The following SV2C variants were observed in gnomAD, a reference collection of about 807,000 sequenced individuals.
The protein encoded by SV2C is synaptic vesicle glycoprotein 2C.
Under a neutral mutation model 79.7 loss-of-function variants are expected in SV2C, and 49 were observed. The observed-to-expected ratio is 0.61, with a 90% CI of 0.49 to 0.78. SV2C has a LOEUF of 0.78. SV2C is among the 30% of genes least tolerant of loss of function. The pLI is 0.00. For synonymous variants in SV2C, 334 were observed against 333.2 expected, an observed-to-expected ratio of 1.00 and a Z score of -0.03; for missense variants, 833 against 912.9, an observed-to-expected ratio of 0.91 and a Z score of 1.13.
At chr5:75,971,988 A>G in the SV2C span, among the ~76,000 whole-genome samples, 1 of 152,134 alleles carries the variant, frequency 6.6e-6, no homozygotes, top group Admixed American at 6.5e-5. Context: ...ATACAGACTA[A>G]TGGAACAGAA....
At chr5:76,061,087 C>T in the SV2C span, among the ~76,000 whole-genome samples, 2 of 151,714 alleles carry the variant, frequency 1.3e-5, no homozygotes, top group African/African-American at 4.8e-5. Flanking sequence ...AAAACAATTA[C>T]AATAGTAACA....
At chr5:76,156,912 A>T (rs1033107396) in intron 2 of SV2C, among the ~76,000 whole-genome samples, 1 of 152,102 alleles carries the variant, frequency 6.6e-6, no homozygotes, top group Non-Finnish European at 1.5e-5. Context: ...GAATTACAAG[A>T]CACCATTGAG....
At chr5:76,156,757 T>C (rs1742739714) in intron 2 of SV2C, among the ~76,000 whole-genome samples, 1 of 152,078 alleles carries the variant, frequency 6.6e-6, no homozygotes, top group Admixed American at 6.6e-5. Flanking sequence ...TTTGGAATTG[T>C]AAAGTATAAT....
chr5:76,021,268 A>G, the SV2C span, among the ~76,000 whole-genome samples: 6 of 152,228 alleles, frequency 3.9e-5, no homozygotes, highest in Admixed American at 6.6e-5. Flanking sequence ...TTGAATTCAT[A>G]TATTTACCAT....
chr5:76,057,157 T>A, the SV2C span, among the ~76,000 whole-genome samples: 1 of 152,210 alleles, frequency 6.6e-6, no homozygotes. Context: ...CTTTTAACAC[T>A]GCTTTAGATG....
In SV2C at chr5:76,132,033, G is replaced by C. The variant is rs776285291; in HGVS notation, c.283G>C (p.Gly95Arg). The change falls in exon 2 of 13, where the codon GGC (glycine) becomes CGC (arginine). Residue 95 changes from glycine (G) to arginine (R), a missense_variant. Gly to Arg is a moderately radical substitution (Grantham distance 125). Transcript: ENST00000502798. Reference sequence around the variant, plus strand: ...TGAGATCTATGAGGGGGAGTATCAGGGCATCCCCAGTATGAACCAAGCGAA... The same window carrying C: ...TGAGATCTATGAGGGGGAGTATCAGCGCATCCCCAGTATGAACCAAGCGAA... ...DDEIYEGEYQ[G>R]IPSMNQAKDS... The C allele has an allele frequency of 5.6e-6, 9 of 1,612,398 alleles. No individual in the cohort carries two copies. Among genetic ancestry groups the C allele is most frequent in the Non-Finnish European group, 7.6e-6 (9 of 1,179,218 alleles).
intron 4 of SV2C, among the ~76,000 whole-genome samples, chr5:76,223,404 G>T (rs530156584): frequency 8.0e-6 from 1 of 124,636 alleles, no homozygotes; most frequent in African/African-American, 3.1e-5. Flanking sequence ...CTCCAGCCTG[G>T]GTGACAGAGC....
the SV2C span, among the ~76,000 whole-genome samples, chr5:76,070,131 G>C: frequency 6.6e-6 from 1 of 152,096 alleles, no homozygotes; most frequent in Admixed American, 6.5e-5. Context: ...CCCACACCCA[G>C]GATGCTAGGC....
chr5:75,940,725 T>A, the SV2C span, among the ~76,000 whole-genome samples: 2 of 152,206 alleles, frequency 1.3e-5, no homozygotes, highest in Non-Finnish European at 2.9e-5. Flanking sequence ...CTAACAGTAG[T>A]TACAACACTG....
chr5:76,183,868 T>C (rs1012424161), intron 2 of SV2C, among the ~76,000 whole-genome samples: 1 of 152,194 alleles, frequency 6.6e-6, no homozygotes, highest in Non-Finnish European at 1.5e-5. Context: ...ACCATCACCC[T>C]GTATGTGAAG....
chr5:76,142,129 G>T (rs1038869266), intron 2 of SV2C, among the ~76,000 whole-genome samples: 1 of 152,130 alleles, frequency 6.6e-6, no homozygotes, highest in African/African-American at 2.4e-5. Flanking sequence ...TACTGATTAA[G>T]TATTTCTAAC....
Position 76,284,137 on chromosome 5 carries a change from G to T in SV2C, c.914-1025G>T, listed in dbSNP as rs115985257. 6.4e-3 allele frequency among the ~76,000 whole-genome samples: 972 copies of T among 152,146 alleles called. 12 individuals carry two copies. The highest frequency in any genetic ancestry group is 0.021 in the African/African-American group (883 of 41,518). On this transcript the variant is annotated intron_variant, in intron 4 of 12. Coordinates refer to ENST00000502798, the MANE Select transcript of SV2C (RefSeq NM_014979.4). The stretch of plus-strand genomic sequence containing the variant: ...TATTTCTCATTTAGAACCAGCCATT[G>T]GAATGAATTTTATATTCATTTGAAT...
chr5:76,095,370 G>T lies in SV2C; in HGVS notation c.-102+11858G>T, dbSNP rs1025249937. Among the ~76,000 whole-genome samples, 34 of 152,146 alleles carry T rather than the reference G, an allele frequency of 2.2e-4. 1 individual carries two copies. Among genetic ancestry groups the T allele is most frequent in the African/African-American group, 8.2e-4 (34 of 41,540 alleles). On this transcript the variant is annotated intron_variant, in intron 1 of 12. Transcript: ENST00000502798. ...TTAACAAATCAGTTTCTTCAATAAA[G>T]GCTATCCAGAGTTTCAGTTTCTTCT...
chr5:76,069,383 T>C, the SV2C span, among the ~76,000 whole-genome samples: 3 of 152,286 alleles, frequency 2.0e-5, no homozygotes, highest in African/African-American at 7.2e-5. Context: ...TGCCTTTGGG[T>C]ATCTCTCCAT....
chr5:75,907,165 C>T, the SV2C span, among the ~76,000 whole-genome samples: 1 of 152,194 alleles, frequency 6.6e-6, no homozygotes, highest in Non-Finnish European at 1.5e-5. Context: ...CCCCTCAAGA[C>T]TCCATAGATG....
At chr5:75,921,201 G>A in the SV2C span, 2 of 1,047,372 alleles carry the variant, frequency 1.9e-6, no homozygotes, top group East Asian at 4.7e-5. Context: ...TTGAGCCAGG[G>A]GCCAGCAGCC....
At chr5:75,944,089 C>A in the SV2C span, among the ~76,000 whole-genome samples, 1 of 152,246 alleles carries the variant, frequency 6.6e-6, no homozygotes, top group Non-Finnish European at 1.5e-5. Context: ...ACTACCATAG[C>A]TCACTATAAC....
chr5:76,102,474 T>A (rs564006252), intron 1 of SV2C, among the ~76,000 whole-genome samples: 1 of 152,290 alleles, frequency 6.6e-6, no homozygotes, highest in African/African-American at 2.4e-5. Context: ...AATTACTCTA[T>A]GTTGTGAATG....
At chr5:76,309,235 T>A (rs1414583334) in intron 12 of SV2C, among the ~76,000 whole-genome samples, 1 of 152,034 alleles carries the variant, frequency 6.6e-6, no homozygotes. Context: ...AATGACAAGA[T>A]CATTCTTGGC....
Sources: allele counts gnomAD v4.1 joint callset (sites outside exome capture counted in the v4.1 genomes callset), GRCh38; gene constraint gnomAD v4.1.1; transcripts MANE v1.5; gene names NCBI Gene and HGNC (gene_info 2026-07-23, HGNC 2026-07-21).